The following SPINT2 variants were observed in gnomAD, a reference collection of about 807,000 sequenced individuals.
SPINT2 encodes serine peptidase inhibitor, Kunitz type 2.
SPINT2 carries 18 observed loss-of-function variants against 30.1 expected under a neutral mutation model. The ratio of observed to expected loss-of-function variants is 0.60; its 90% CI spans 0.41 to 0.89. The LOEUF is 0.89. SPINT2 is among the 40% of genes least tolerant of loss of function. SPINT2 has a pLI of 0.00. For missense variants in SPINT2, 276 were observed against 334.3 expected (o/e 0.83, Z 1.36); for synonymous variants, 139 against 137.9 (o/e 1.01, Z -0.05).
At chr19:38,272,311 T>C (rs967343365) in intron 1 of SPINT2, among the ~76,000 whole-genome samples, 1 of 152,202 alleles carries the variant, frequency 6.6e-6, no homozygotes, top group Non-Finnish European at 1.5e-5. Context: ...TATAATAGTT[T>C]GTGACCTTTT....
Position 38,268,217 on chromosome 19 carries a change from G to T in SPINT2, c.106+3219G>T, listed in dbSNP as rs371228911. ...CGCTCTGAGTAGTGAGGGCAGGTGG[G>T]AAGGGACAGGTGGACGGGCCGGACA... On this transcript the variant is annotated intron_variant, in intron 1 of 6. Coordinates refer to ENST00000301244, the MANE Select transcript of SPINT2 (RefSeq NM_021102.4). 5.3e-5 allele frequency among the ~76,000 whole-genome samples: 8 copies of T among 152,212 alleles called. No individual in the cohort carries two copies. In the South Asian group the frequency reaches 1.7e-3, roughly 32 times the overall value.
chr19:38,289,716 C>T lies in SPINT2; in HGVS notation c.392-403C>T, dbSNP rs150963134. Reference sequence around the variant, plus strand: ...AGGAGGCTGCGCCTGTGGAGATGTGCGTTAGAGGCGTAGCCTGGCACGTGG... The same window carrying T: ...AGGAGGCTGCGCCTGTGGAGATGTGTGTTAGAGGCGTAGCCTGGCACGTGG... On this transcript the variant is annotated intron_variant, in intron 4 of 6. Coordinates refer to ENST00000301244, the MANE Select transcript of SPINT2 (RefSeq NM_021102.4). 725 of 314,764 alleles carry T rather than the reference C, an allele frequency of 2.3e-3. 5 individuals are homozygous for T. The highest frequency in any genetic ancestry group is 0.015 in the African/African-American group (691 of 46,296). The allele number at this position is 314,764 out of a possible 1,614,324, so 19.5% of individuals were successfully genotyped here.
chr19:38,283,941 A>G (rs1446081766), intron 2 of SPINT2, 144 bp downstream of exon 2: 2 of 931,664 alleles, frequency 2.1e-6, no homozygotes, highest in Middle Eastern at 3.5e-4. Context: ...TCCCGGGTTC[A>G]CGCCATTCTC....
chr19:38,287,149 G>A (rs547507403), intron 2 of SPINT2, among the ~76,000 whole-genome samples: 7 of 152,216 alleles, frequency 4.6e-5, no homozygotes, highest in African/African-American at 1.7e-4. Context: ...TCAGCCACCC[G>A]AGTAGCTGGG....
chr19:38,274,631 A>G (rs1968494883), intron 1 of SPINT2, among the ~76,000 whole-genome samples: 1 of 152,120 alleles, frequency 6.6e-6, no homozygotes, highest in Non-Finnish European at 1.5e-5. Context: ...CAGCCTGGCC[A>G]GCACAGCAAA....
rs554061593 is a variant in SPINT2 at position 38,272,547 on chromosome 19, G to C, written c.106+7549G>C. Among the ~76,000 whole-genome samples the C allele has an allele frequency of 4.7e-4, 72 of 152,336 alleles. 1 individual carries two copies. Among genetic ancestry groups the C allele is most frequent in the African/African-American group, 1.6e-3 (66 of 41,582 alleles). On this transcript the variant is annotated intron_variant, in intron 1 of 6. Transcript: ENST00000301244. ...GCTGAATGCGAATTAACAGCAGACA[G>C]TTTCTTAGAAGATTTGAAACTATTG... is the stretch of plus-strand genomic sequence containing the variant.
rs1428575887 is a variant in SPINT2, at chr19:38,264,803, A to G, written c.-90A>G. 2 of 1,365,338 alleles carry G rather than the reference A, an allele frequency of 1.5e-6. No individual in the cohort carries two copies. The highest frequency in any genetic ancestry group is 2.6e-5 in the East Asian group (1 of 39,070). The allele number at this position is 1,365,338 out of a possible 1,614,324, so 84.6% of individuals were successfully genotyped here. A position where few individuals can be genotyped will look rare whatever the true frequency, so the allele number is the denominator to read the frequency against. The stretch of plus-strand genomic sequence containing the variant: ...TCGGCACCTGAACGCGAGGCGCTCC[A>G]TTGCGCGTGCGCGTTGAGGGGCTTC... On this transcript the variant is annotated 5_prime_UTR_variant, in exon 1 of 7. Coordinates refer to ENST00000301244, the MANE Select transcript of SPINT2 (RefSeq NM_021102.4).
chr19:38,278,484 A>G (rs1461069155), intron 1 of SPINT2, among the ~76,000 whole-genome samples: 2 of 152,244 alleles, frequency 1.3e-5, no homozygotes, highest in African/African-American at 4.8e-5. Flanking sequence ...CATTAGAGGT[A>G]GGGCACATGA....
intron 6 of SPINT2, chr19:38,291,635 GCCT>G: frequency 1.7e-6 from 1 of 601,976 alleles, no homozygotes; most frequent in Non-Finnish European, 2.9e-6. Flanking sequence ...ATAGCATGGC[GCCT>G]CCTTTTTTGG....
At position 38,264,625 on chromosome 19, in the gene SPINT2, C is replaced by A. The variant is rs1485310451; in HGVS notation, c.-268C>A. On this transcript the variant is annotated 5_prime_UTR_variant, in exon 1 of 7. Transcript: ENST00000301244. The stretch of plus-strand genomic sequence containing the variant: ...TTGGGAGGTGTAGCGCGGCTCTGAA[C>A]GCGCTGAGGGCCGTTGAGTGTCGCA... 2 of 471,038 alleles carry A rather than the reference C, an allele frequency of 4.2e-6. No individual in the cohort carries two copies. Among genetic ancestry groups the A allele is most frequent in the Non-Finnish European group, 7.7e-6 (2 of 261,058 alleles). 29.2% of individuals were successfully genotyped at this position (471,038 alleles called of 1,614,324 possible).
chr19:38,292,285 T>G lies in SPINT2; in HGVS notation c.*279T>G. 1 of 385,784 alleles carries G rather than the reference T, an allele frequency of 2.6e-6. No individual in the cohort carries two copies. Among genetic ancestry groups the G allele is most frequent in the African/African-American group, 2.0e-5 (1 of 49,738 alleles). 23.9% of individuals were successfully genotyped at this position (385,784 alleles called of 1,614,324 possible). A position where few individuals can be genotyped will look rare whatever the true frequency, so the allele number is the denominator to read the frequency against. ...TAGAGTTTTCTTTGCTTATGTTGAATTCCATTGCCTCTTTTCTCATCACAG... is the reference window on the plus strand; with the variant it reads ...TAGAGTTTTCTTTGCTTATGTTGAAGTCCATTGCCTCTTTTCTCATCACAG... On this transcript the variant is annotated 3_prime_UTR_variant, in exon 7 of 7. Transcript: ENST00000301244.
chr19:38,291,812 C>G, intron 6 of SPINT2, 28 bp from the exon 7 acceptor site: 1 of 1,610,312 alleles, frequency 6.2e-7, no homozygotes, highest in South Asian at 1.1e-5. Flanking sequence ...TTGCCTGGCC[C>G]GTCCTGAGGC....
At chr19:38,269,294 TCAC>T (rs1568338023) in intron 1 of SPINT2, among the ~76,000 whole-genome samples, 2 of 151,610 alleles carry the variant, frequency 1.3e-5, no homozygotes, top group South Asian at 2.1e-4. Flanking sequence ...AGACAGGGTC[TCAC>T]CACCGTGTTA....
At chr19:38,268,020 T>C (rs369495712) in intron 1 of SPINT2, among the ~76,000 whole-genome samples, 1 of 151,726 alleles carries the variant, frequency 6.6e-6, no homozygotes, top group East Asian at 1.9e-4. Context: ...TCAGAGGAGA[T>C]TGAGGACATG....
intron 2 of SPINT2, among the ~76,000 whole-genome samples, chr19:38,286,823 C>T (rs966791839): frequency 1.3e-5 from 2 of 152,048 alleles, no homozygotes; most frequent in African/African-American, 4.8e-5. Context: ...AAAAAAGTGT[C>T]GTGTTTTGTT....
At chr19:38,266,547 A>G (rs1043116914) in intron 1 of SPINT2, among the ~76,000 whole-genome samples, 2 of 151,990 alleles carry the variant, frequency 1.3e-5, no homozygotes, top group African/African-American at 4.8e-5. Flanking sequence ...ATGGTGGTGC[A>G]CACCTGTAGT....
At chr19:38,282,792 C>G (rs1968594290) in intron 1 of SPINT2, among the ~76,000 whole-genome samples, 1 of 152,208 alleles carries the variant, frequency 6.6e-6, no homozygotes, top group African/African-American at 2.4e-5. Context: ...CCTTCTGAGG[C>G]TCTTCCAGTA....
intron 1 of SPINT2, among the ~76,000 whole-genome samples, chr19:38,277,921 C>T (rs146084504): frequency 1.4e-3 from 212 of 152,284 alleles, no homozygotes; most frequent in African/African-American, 3.3e-3. Flanking sequence ...CCTGTTGGTC[C>T]GTCTCCGTTT....
rs531578411 is a variant in SPINT2, at chr19:38,291,709, C to G, written c.593-131C>G. The G allele has an allele frequency of 4.2e-5, 47 of 1,124,436 alleles. 1 individual carries two copies. In the South Asian group the frequency reaches 6.9e-4, roughly 17 times the overall value. 69.7% of individuals were successfully genotyped at this position (1,124,436 alleles called of 1,614,324 possible). A position where few individuals can be genotyped will look rare whatever the true frequency, so the allele number is the denominator to read the frequency against. ...TCCTCTCCAGCTGCAGTTCTGGACC[C>G]TGTCTGGGTTGGGGAGGGGCATTTG... On this transcript the variant is annotated intron_variant, in intron 6 of 6. Coordinates refer to ENST00000301244, the MANE Select transcript of SPINT2 (RefSeq NM_021102.4).
Sources: allele counts gnomAD v4.1 joint callset (sites outside exome capture counted in the v4.1 genomes callset), GRCh38; gene constraint gnomAD v4.1.1; transcripts MANE v1.5; gene names NCBI Gene and HGNC (gene_info 2026-07-23, HGNC 2026-07-21).